The following ATP5F1E variants were observed in gnomAD, a reference collection of about 807,000 sequenced individuals.
ATP5F1E encodes ATP synthase F(1) complex subunit epsilon, mitochondrial.
In ATP5F1E, 5 loss-of-function variants were observed where a neutral mutation model predicts 7.0. The ratio of observed to expected loss-of-function variants is 0.71; its 90% CI spans 0.37 to 1.49. The LOEUF is 1.49. Ranked by LOEUF, ATP5F1E falls within the 40% of genes most tolerant of loss-of-function variation. ATP5F1E has a pLI of 0.03. For missense variants in ATP5F1E, 59 were observed against 57.1 expected (o/e 1.03, Z -0.11); for synonymous variants, 20 against 20.1 (o/e 0.99, Z 0.02).
At chr20:59,030,226 A>G in intron 2 of ATP5F1E, 77 bp downstream of exon 2, 1 of 1,576,960 alleles carries the variant, frequency 6.3e-7, no homozygotes, top group Non-Finnish European at 8.6e-7. Flanking sequence ...AGAACCCAAA[A>G]CTAAAATTAT....
intron 1 of ATP5F1E, among the ~76,000 whole-genome samples, chr20:59,031,693 C>T (rs949303732): frequency 2.0e-5 from 3 of 152,156 alleles, no homozygotes; most frequent in Admixed American, 2.0e-4. Context: ...ACAGTTATGG[C>T]TTTCACCCCT....
At position 59,028,065 on chromosome 20, in the gene ATP5F1E, T is replaced by C. The variant is rs1230589547; in HGVS notation, c.*780A>G. On this transcript the variant is annotated 3_prime_UTR_variant, in exon 3 of 3. Transcript: ENST00000243997. ...AAGATAAAAACATAACTTGCAACAA[T>C]TTTTCATCCCTAAATAATGAATGAA... 6.6e-6 allele frequency: 1 copy of C among 152,240 alleles called. No individual in the cohort carries two copies. The highest frequency in any genetic ancestry group is 1.5e-5 in the Non-Finnish European group (1 of 68,042). 9.4% of individuals were successfully genotyped at this position (152,240 alleles called of 1,614,324 possible).
rs897740305 is a variant in ATP5F1E, at chr20:59,028,044, T to C, written c.*801A>G. ...AGCCCTTTCAAGTTTCAAAGAAAGA[T>C]AAAAACATAACTTGCAACAATTTTT... is the stretch of plus-strand genomic sequence containing the variant. On this transcript the variant is annotated 3_prime_UTR_variant, in exon 3 of 3. Transcript: ENST00000243997. The C allele has an allele frequency of 6.6e-6, 1 of 152,198 alleles. No individual in the cohort carries two copies. The highest frequency in any genetic ancestry group is 2.4e-5 in the African/African-American group (1 of 41,448). 9.4% of individuals were successfully genotyped at this position (152,198 alleles called of 1,614,324 possible). A position where few individuals can be genotyped will look rare whatever the true frequency, so the allele number is the denominator to read the frequency against.
In ATP5F1E at chr20:59,027,403, T is replaced by C. The variant is rs1286847279; in HGVS notation, c.*1442A>G. ...CATCTATATACCAATAATCTACCAA[T>C]ATACTAGCAATCTACTATGCCATCT... On this transcript the variant is annotated 3_prime_UTR_variant, in exon 3 of 3. Coordinates refer to ENST00000243997, the MANE Select transcript of ATP5F1E (RefSeq NM_006886.4). 2 of 152,064 alleles carry C rather than the reference T, an allele frequency of 1.3e-5. No homozygotes were observed. The highest frequency in any genetic ancestry group is 4.8e-5 in the African/African-American group (2 of 41,386). The allele number at this position is 152,064 out of a possible 1,614,324, so 9.4% of individuals were successfully genotyped here. A position where few individuals can be genotyped will look rare whatever the true frequency, so the allele number is the denominator to read the frequency against.
chr20:59,029,571 C>G (rs2092012896), intron 2 of ATP5F1E: 1 of 152,266 alleles, frequency 6.6e-6, no homozygotes. Context: ...AAACATCTCT[C>G]TGATAATTTG....
In ATP5F1E at chr20:59,026,755, C is replaced by G. The variant is rs1397450820; in HGVS notation, c.*2090G>C. 1 of 152,184 alleles carries G rather than the reference C, an allele frequency of 6.6e-6. No individual in the cohort carries two copies. Among genetic ancestry groups the G allele is most frequent in the African/African-American group, 2.4e-5 (1 of 41,446 alleles). 9.4% of individuals were successfully genotyped at this position (152,184 alleles called of 1,614,324 possible). On this transcript the variant is annotated 3_prime_UTR_variant, in exon 3 of 3. Transcript: ENST00000243997. ...GTAAAAACACAAAACAAACTAGAAA[C>G]TTAAGAAATCTGTCCCTTTTGATTT...
intron 1 of ATP5F1E, among the ~76,000 whole-genome samples, chr20:59,032,012 A>G (rs2146385357): frequency 6.6e-6 from 1 of 152,370 alleles, no homozygotes; most frequent in East Asian, 1.9e-4. Context: ...GAAGCGAGGC[A>G]GGACACAGAC....
chr20:59,029,809 T>C (rs1234842066), intron 2 of ATP5F1E: 1 of 175,356 alleles, frequency 5.7e-6, no homozygotes, highest in Non-Finnish European at 1.2e-5. Flanking sequence ...GCAGATTTTA[T>C]TGCTTGATAC....
rs1364650528 is a variant in ATP5F1E, at chr20:59,026,044, G to A, written c.*2801C>T. ...ATTTGATCCATGGATAACCGGTAAT[G>A]GGAAAATGCTCCGACCCTCAATGCA... On this transcript the variant is annotated 3_prime_UTR_variant, in exon 3 of 3. Coordinates refer to ENST00000243997, the MANE Select transcript of ATP5F1E (RefSeq NM_006886.4). 6.6e-6 allele frequency: 1 copy of A among 152,246 alleles called. No individual in the cohort carries two copies. Among genetic ancestry groups the A allele is most frequent in the Admixed American group, 6.5e-5 (1 of 15,294 alleles). 9.4% of individuals were successfully genotyped at this position (152,246 alleles called of 1,614,324 possible). A position where few individuals can be genotyped will look rare whatever the true frequency, so the allele number is the denominator to read the frequency against.
chr20:59,028,271 A>G lies in ATP5F1E; in HGVS notation c.*574T>C, dbSNP rs1361800610. Reference sequence around the variant, plus strand: ...AGTATAAAGATTCATTTACAAAACAATGTGAAAAACACTTTGTGCTTAAAT... The same window carrying G: ...AGTATAAAGATTCATTTACAAAACAGTGTGAAAAACACTTTGTGCTTAAAT... On this transcript the variant is annotated 3_prime_UTR_variant, in exon 3 of 3. Transcript: ENST00000243997. The G allele has an allele frequency of 6.6e-6, 1 of 152,240 alleles. No individual in the cohort carries two copies. Among genetic ancestry groups the G allele is most frequent in the African/African-American group, 2.4e-5 (1 of 41,450 alleles). 9.4% of individuals were successfully genotyped at this position (152,240 alleles called of 1,614,324 possible). A position where few individuals can be genotyped will look rare whatever the true frequency, so the allele number is the denominator to read the frequency against.
In ATP5F1E at chr20:59,027,409, A is replaced by G. The variant is rs922318098; in HGVS notation, c.*1436T>C. 5 of 152,052 alleles carry G rather than the reference A, an allele frequency of 3.3e-5. No homozygotes were observed. Among genetic ancestry groups the G allele is most frequent in the Admixed American group, 1.3e-4 (2 of 15,280 alleles). The allele number at this position is 152,052 out of a possible 1,614,324, so 9.4% of individuals were successfully genotyped here. On this transcript the variant is annotated 3_prime_UTR_variant, in exon 3 of 3. Transcript: ENST00000243997. ...TATACCAATAATCTACCAATATACTAGCAATCTACTATGCCATCTATATAC... is the reference window on the plus strand; with the variant it reads ...TATACCAATAATCTACCAATATACTGGCAATCTACTATGCCATCTATATAC...
At chr20:59,030,204 T>A in intron 2 of ATP5F1E, 99 bp downstream of exon 2, 2 of 1,486,990 alleles carry the variant, frequency 1.3e-6, no homozygotes, top group Non-Finnish European at 9.1e-7. Context: ...ATACACTGAC[T>A]AAAAAATGAA....
chr20:59,031,999 C>T (rs1429339937), intron 1 of ATP5F1E, among the ~76,000 whole-genome samples: 1 of 152,270 alleles, frequency 6.6e-6, no homozygotes, highest in South Asian at 2.1e-4. Flanking sequence ...GCCGCACCGT[C>T]GGGAAGCGAG....
chr20:59,031,457 C>A (rs1449398418), intron 1 of ATP5F1E, among the ~76,000 whole-genome samples: 2 of 152,192 alleles, frequency 1.3e-5, no homozygotes, highest in Admixed American at 1.3e-4. Context: ...GGAAGCTCCG[C>A]TGTAGTGTAC....
rs924704952 is a variant in ATP5F1E at position 59,028,679 on chromosome 20, CAA to C, written c.*164_*165del. ...ATGAAAAAGTCTCACAAACTAAAAT[CAA>C]GAGTAACAGTGAACCATATTTCAAT... On this transcript the variant is annotated 3_prime_UTR_variant, in exon 3 of 3. Coordinates refer to ENST00000243997, the MANE Select transcript of ATP5F1E (RefSeq NM_006886.4). The C allele has an allele frequency of 1.8e-5, 3 of 167,148 alleles. No homozygotes were observed. The East Asian group carries it at 5.8e-4, about 32-fold the overall frequency. The allele number at this position is 167,148 out of a possible 1,614,324, so 10.4% of individuals were successfully genotyped here. A position where few individuals can be genotyped will look rare whatever the true frequency, so the allele number is the denominator to read the frequency against.
rs1382551154 is a variant in ATP5F1E, at chr20:59,026,646, G to A, written c.*2199C>T. On this transcript the variant is annotated 3_prime_UTR_variant, in exon 3 of 3. Transcript: ENST00000243997. ...TCAGACTAAATAAATTCCTTTTCTT[G>A]AAGCCTAACCATCCAGACTGAGTAG... 1 of 152,138 alleles carries A rather than the reference G, an allele frequency of 6.6e-6. No individual in the cohort carries two copies. The highest frequency in any genetic ancestry group is 1.5e-5 in the Non-Finnish European group (1 of 68,032). The allele number at this position is 152,138 out of a possible 1,614,324, so 9.4% of individuals were successfully genotyped here. A position where few individuals can be genotyped will look rare whatever the true frequency, so the allele number is the denominator to read the frequency against.
Position 59,027,944 on chromosome 20 carries a change from T to C in ATP5F1E, c.*901A>G, listed in dbSNP as rs2092003202. ...AGAATGGTGTTTCAAAATTTCCAGT[T>C]CAAATTTATTTCTCCAGTCTCCAAA... On this transcript the variant is annotated 3_prime_UTR_variant, in exon 3 of 3. Transcript: ENST00000243997. 6.6e-6 allele frequency: 1 copy of C among 152,204 alleles called. No homozygotes were observed. Among genetic ancestry groups the C allele is most frequent in the African/African-American group, 2.4e-5 (1 of 41,444 alleles). The allele number at this position is 152,204 out of a possible 1,614,324, so 9.4% of individuals were successfully genotyped here. A position where few individuals can be genotyped will look rare whatever the true frequency, so the allele number is the denominator to read the frequency against.
chr20:59,032,113 C>A, intron 1 of ATP5F1E, 107 bp downstream of exon 1: 2 of 1,481,778 alleles, frequency 1.3e-6, no homozygotes, highest in Non-Finnish European at 1.8e-6. Flanking sequence ...CTTGGCCCAA[C>A]CCCGGTCACG....
Position 59,027,458 on chromosome 20 carries a change from TAATA to T in ATP5F1E, c.*1383_*1386del, listed in dbSNP as rs1357054127. On this transcript the variant is annotated 3_prime_UTR_variant, in exon 3 of 3. Transcript: ENST00000243997. ...ACCAATAATACCCCATCTGCCTCCT[TAATA>T]AATGACTTATCTCTAATTACTTGAC... 2.6e-5 allele frequency: 4 copies of T among 152,348 alleles called. No homozygotes were observed. The highest frequency in any genetic ancestry group is 4.8e-5 in the African/African-American group (2 of 41,580). The allele number at this position is 152,348 out of a possible 1,614,324, so 9.4% of individuals were successfully genotyped here.
Sources: gnomAD v4.1 joint callset for allele counts (sites outside exome capture counted in the v4.1 genomes callset) on GRCh38, gnomAD v4.1.1 for gene constraint, MANE v1.5 for transcripts, NCBI Gene and HGNC (gene_info 2026-07-23, HGNC 2026-07-21) for gene names.